The following JAK1 variants were observed in gnomAD, a reference collection of about 807,000 sequenced individuals.
JAK1 encodes Janus kinase 1.
Under a neutral mutation model 136.6 loss-of-function variants are expected in JAK1, and 16 were observed. The observed-to-expected ratio is 0.12, with a 90% CI of 0.08 to 0.18. The LOEUF is 0.18. JAK1 is among the 10% of genes least tolerant of loss of function. The pLI is 1.00. For missense variants in JAK1, 859 were observed against 1,450.1 expected, an observed-to-expected ratio of 0.59 and a Z score of 6.62; for synonymous variants, 492 against 519.5, an observed-to-expected ratio of 0.95 and a Z score of 0.72.
At chr1:64,857,835 C>CCT in intron 9 of JAK1, 56 bp from the exon 10 acceptor site, 1 of 1,601,956 alleles carries the variant, frequency 6.2e-7, no homozygotes. Flanking sequence ...GGACTTTGAA[C>CCT]CTCTGGGCTA....
In JAK1 at chr1:64,981,233, C is replaced by T. The variant is rs535197160; in HGVS notation, c.-78+63247G>A. Among the ~76,000 whole-genome samples, 358 of 152,256 alleles carry T rather than the reference C, an allele frequency of 2.4e-3. 1 individual carries two copies. The highest frequency in any genetic ancestry group is 4.0e-3 in the Non-Finnish European group (274 of 68,020). ...AATGAGTCAGGAAGGGTTTTTTGGACCTTTCTAAGTGATCTCTCTCTCTGT... is the reference window on the plus strand; with the variant it reads ...AATGAGTCAGGAAGGGTTTTTTGGATCTTTCTAAGTGATCTCTCTCTCTGT... On this transcript the variant is annotated intron_variant, in intron 2 of 25. Transcript: ENST00000671954.
chr1:64,995,984 C>G (rs1646700417), intron 2 of JAK1, among the ~76,000 whole-genome samples: 2 of 152,156 alleles, frequency 1.3e-5, no homozygotes, highest in Non-Finnish European at 2.9e-5. Context: ...GGCAATCCAC[C>G]CACCCATTTC....
At chr1:64,945,606 T>C (rs78969683) in intron 1 of JAK1, among the ~76,000 whole-genome samples, 12,469 of 152,118 alleles carry the variant, frequency 0.082, 635 homozygotes, top group South Asian at 0.11. Flanking sequence ...AATACGAATA[T>C]ATACTTACAT....
intron 1 of JAK1, among the ~76,000 whole-genome samples, chr1:64,958,405 T>C (rs1646229276): frequency 6.6e-6 from 1 of 152,256 alleles, no homozygotes; most frequent in Non-Finnish European, 1.5e-5. Flanking sequence ...ATTCGTGGAC[T>C]TGCCTTAAGT....
At chr1:64,864,466 A>G (rs1570663612) in intron 8 of JAK1, among the ~76,000 whole-genome samples, 2 of 152,336 alleles carry the variant, frequency 1.3e-5, no homozygotes, top group East Asian at 3.9e-4. Context: ...CTTGGGAGGA[A>G]ACACTGACAT....
Position 64,850,532 on chromosome 1 carries a change from T to C in JAK1, c.1755+272A>G, listed in dbSNP as rs759500149. ...GAGCCACCTCCTGCCCTGCCACCCC[T>C]TCAGCTCACCACAGAAGGTCCCTGC... On this transcript the variant is annotated intron_variant, in intron 12 of 24. Coordinates refer to ENST00000342505, the MANE Select transcript of JAK1 (RefSeq NM_002227.4). Among the ~76,000 whole-genome samples the C allele has an allele frequency of 7.9e-5, 12 of 152,298 alleles. 2 individuals are homozygous for C. The Middle Eastern group carries it at 0.01, about 130-fold the overall frequency.
intron 2 of JAK1, among the ~76,000 whole-genome samples, chr1:65,004,641 G>A (rs1646789186): frequency 6.6e-6 from 1 of 152,210 alleles, no homozygotes; most frequent in South Asian, 2.1e-4. Flanking sequence ...ACAAGTAGAT[G>A]TGAAGATCAA....
At chr1:64,894,557 G>A (rs1459042380) in intron 1 of JAK1, among the ~76,000 whole-genome samples, 1 of 152,028 alleles carries the variant, frequency 6.6e-6, no homozygotes, top group South Asian at 2.1e-4. Context: ...TCAGGAGTTC[G>A]AAACCAGCCT....
At chr1:64,878,282 C>T (rs1246238405) in intron 4 of JAK1, among the ~76,000 whole-genome samples, 1 of 152,088 alleles carries the variant, frequency 6.6e-6, no homozygotes, top group Non-Finnish European at 1.5e-5. Context: ...AATATGTTTA[C>T]AAACTCAGGA....
At chr1:64,923,255 G>A (rs1645526437) in intron 1 of JAK1, among the ~76,000 whole-genome samples, 1 of 152,032 alleles carries the variant, frequency 6.6e-6, no homozygotes, top group South Asian at 2.1e-4. Context: ...ACTATTTGCT[G>A]GTCCTAACAC....
At chr1:65,029,242 A>G (rs1024166511) in intron 2 of JAK1, among the ~76,000 whole-genome samples, 1 of 152,062 alleles carries the variant, frequency 6.6e-6, no homozygotes, top group Non-Finnish European at 1.5e-5. Flanking sequence ...GACTACGGAC[A>G]TGCACCACTG....
intron 1 of JAK1, among the ~76,000 whole-genome samples, chr1:64,958,200 G>A (rs1047857937): frequency 6.6e-6 from 1 of 152,202 alleles, no homozygotes; most frequent in Non-Finnish European, 1.5e-5. Flanking sequence ...CTTGTAGATG[G>A]TAGGTGGCCT....
intron 2 of JAK1, 52 bp downstream of exon 2, chr1:64,886,207 T>C: frequency 2.4e-6 from 3 of 1,250,050 alleles, no homozygotes; most frequent in South Asian, 1.3e-5. Flanking sequence ...GTTTCATCAA[T>C]TTTTTTAAAG....
At position 64,879,489 on chromosome 1, in the gene JAK1, C is replaced by T. The variant is rs147930469; in HGVS notation, c.206-341G>A. ...AAAAAACCCCTATCTGAGAGGTTCA[C>T]AGATCCTGCCTGATGTGCACTTTGC... On this transcript the variant is annotated intron_variant, in intron 3 of 24. Coordinates refer to ENST00000342505, the MANE Select transcript of JAK1 (RefSeq NM_002227.4). Among the ~76,000 whole-genome samples the T allele has an allele frequency of 4.0e-4, 61 of 152,304 alleles. 1 individual carries two copies. The highest frequency in any genetic ancestry group is 1.4e-3 in the African/African-American group (58 of 41,554).
chr1:64,893,028 G>A (rs1194919345), intron 1 of JAK1, among the ~76,000 whole-genome samples: 5 of 152,032 alleles, frequency 3.3e-5, no homozygotes, highest in African/African-American at 4.8e-5. Context: ...CAAAAACAGA[G>A]GACACAAGGG....
At chr1:65,065,989 A>AG (rs1363388349) in intron 1 of JAK1, among the ~76,000 whole-genome samples, 1 of 151,704 alleles carries the variant, frequency 6.6e-6, no homozygotes, top group African/African-American at 2.4e-5. Context: ...GCCGGGGGAA[A>AG]GGGGGGCTGG....
intron 2 of JAK1, among the ~76,000 whole-genome samples, chr1:65,027,643 G>GAGA (rs1307370686): frequency 6.6e-6 from 1 of 152,168 alleles, no homozygotes; most frequent in Non-Finnish European, 1.5e-5. Context: ...CTTGTAAAAG[G>GAGA]AGAAGGGTAA....
At chr1:64,980,431 C>A (rs1419987936) in intron 2 of JAK1, among the ~76,000 whole-genome samples, 3 of 152,102 alleles carry the variant, frequency 2.0e-5, no homozygotes, top group African/African-American at 7.2e-5. Context: ...TTTCCCTCTG[C>A]CCTCCCTCCT....
At chr1:64,916,729 TGAG>T (rs1354404698) in intron 1 of JAK1, among the ~76,000 whole-genome samples, 1 of 151,534 alleles carries the variant, frequency 6.6e-6, no homozygotes, top group Admixed American at 6.6e-5. Context: ...TCCCAGCTAC[TGAG>T]GAGGCTGAGG....
Sources: gnomAD v4.1 joint callset for allele counts (sites outside exome capture counted in the v4.1 genomes callset) on GRCh38, gnomAD v4.1.1 for gene constraint, MANE v1.5 for transcripts, NCBI Gene and HGNC (gene_info 2026-07-23, HGNC 2026-07-21) for gene names.